The following ARHGAP29 variants were observed in gnomAD, a reference collection of about 807,000 sequenced individuals.
ARHGAP29 encodes rho GTPase-activating protein 29.
In ARHGAP29, 43 loss-of-function variants were observed where a neutral mutation model predicts 122.6. That is an observed-to-expected ratio of 0.35 (90% CI 0.27 to 0.45). The LOEUF is 0.45. Among genes scored for constraint, ARHGAP29 ranks in the 20% least tolerant of loss-of-function variants. ARHGAP29 has a pLI of 1.00. For synonymous variants in ARHGAP29, 506 were observed against 497.1 expected, an observed-to-expected ratio of 1.02 and a Z score of -0.24; for missense variants, 1,303 against 1,477.2, an observed-to-expected ratio of 0.88 and a Z score of 1.93.
At chr1:94,229,430 AT>A (rs1220850754) in intron 2 of ARHGAP29, among the ~76,000 whole-genome samples, 1 of 151,756 alleles carries the variant, frequency 6.6e-6, no homozygotes, top group African/African-American at 2.4e-5. Context: ...AATGAGGTCC[AT>A]TTATGTTTAT....
intron 1 of ARHGAP29, among the ~76,000 whole-genome samples, chr1:94,233,563 A>G (rs1653063358): frequency 6.6e-6 from 1 of 152,170 alleles, no homozygotes. Flanking sequence ...CTTCCAAAGT[A>G]TAAGTGAGAA....
intron 2 of ARHGAP29, among the ~76,000 whole-genome samples, chr1:94,225,685 A>G (rs1652575137): frequency 6.6e-6 from 1 of 152,096 alleles, no homozygotes; most frequent in Non-Finnish European, 1.5e-5. Flanking sequence ...CTCAAGTTAT[A>G]GTACTTAATT....
At chr1:94,309,030 C>T in the ARHGAP29 span, among the ~76,000 whole-genome samples, 3 of 152,348 alleles carry the variant, frequency 2.0e-5, no homozygotes, top group South Asian at 6.2e-4. Context: ...CTCCTCTGTC[C>T]TGCTCCCTGG....
chr1:94,218,243 T>C (rs1652076209), intron 3 of ARHGAP29, among the ~76,000 whole-genome samples: 1 of 152,198 alleles, frequency 6.6e-6, no homozygotes, highest in Non-Finnish European at 1.5e-5. Flanking sequence ...ATATTTAAAG[T>C]GTTCTAGTCT....
At chr1:94,298,056 CTTATTT>C in the ARHGAP29 span, among the ~76,000 whole-genome samples, 2 of 152,150 alleles carry the variant, frequency 1.3e-5, no homozygotes, top group Non-Finnish European at 2.9e-5. Flanking sequence ...ATTTTGCTTG[CTTATTT>C]TTAGAGTTAA....
At chr1:94,272,427 G>T (rs1655027218) in intron 1 of ARHGAP29, among the ~76,000 whole-genome samples, 1 of 152,206 alleles carries the variant, frequency 6.6e-6, no homozygotes, top group Non-Finnish European at 1.5e-5. Context: ...CCATGAAAGT[G>T]TGTTGCTCAG....
chr1:94,222,739 T>C (rs958580987), intron 2 of ARHGAP29, among the ~76,000 whole-genome samples: 2 of 152,218 alleles, frequency 1.3e-5, no homozygotes, highest in Non-Finnish European at 2.9e-5. Flanking sequence ...ATTTTATTAC[T>C]GGTTATCAAA....
intron 22 of ARHGAP29, among the ~76,000 whole-genome samples, chr1:94,175,461 AC>A (rs1440412556): frequency 6.6e-6 from 1 of 152,028 alleles, no homozygotes; most frequent in Non-Finnish European, 1.5e-5. Context: ...TTTTCTGTTC[AC>A]TGCTGAAACA....
In ARHGAP29 at chr1:94,211,287, C is replaced by CGAA. The variant is rs1371295014; in HGVS notation, c.341-1938_341-1937insTTC. ...GGGCGACAGAGCAAGGCTCTGGCTCCAAAAAAAAAAAAAAAAAAAAAAAAA... is the reference window on the plus strand; with the variant it reads ...GGGCGACAGAGCAAGGCTCTGGCTCCGAAAAAAAAAAAAAAAAAAAAAAAAAAA... On this transcript the variant is annotated intron_variant, in intron 3 of 22. Coordinates refer to ENST00000260526, the MANE Select transcript of ARHGAP29 (RefSeq NM_004815.4). Among the ~76,000 whole-genome samples the CGAA allele has an allele frequency of 8.3e-5, 3 of 36,004 alleles. 1 individual carries two copies. Among genetic ancestry groups the CGAA allele is most frequent in the Non-Finnish European group, 1.4e-4 (3 of 21,200 alleles). The allele number at this position is 36,004 out of a possible 152,430, so 23.6% of individuals were successfully genotyped here. A position where few individuals can be genotyped will look rare whatever the true frequency, so the allele number is the denominator to read the frequency against.
intron 1 of ARHGAP29, among the ~76,000 whole-genome samples, chr1:94,268,018 C>T (rs1654839499): frequency 6.6e-6 from 1 of 152,052 alleles, no homozygotes; most frequent in African/African-American, 2.4e-5. Flanking sequence ...CTGTAGCTCT[C>T]TTCATTATTT....
chr1:94,237,347 G>A (rs1333320382), intron 1 of ARHGAP29, 68 bp downstream of exon 1: 33 of 967,496 alleles, frequency 3.4e-5, no homozygotes, highest in African/African-American at 5.3e-5. Context: ...GCGGGCGCTC[G>A]CGCGGGCAAC....
At chr1:94,208,269 AAT>A (rs1651346315) in intron 5 of ARHGAP29, among the ~76,000 whole-genome samples, 1 of 152,052 alleles carries the variant, frequency 6.6e-6, no homozygotes, top group Non-Finnish European at 1.5e-5. Context: ...CCTGGTCCCA[AAT>A]ATCTGTTGAA....
chr1:94,286,022 T>C, the ARHGAP29 span, among the ~76,000 whole-genome samples: 1 of 152,176 alleles, frequency 6.6e-6, no homozygotes, highest in African/African-American at 2.4e-5. Flanking sequence ...TTAGTCAGCG[T>C]GGGCTTCCCT....
intron 1 of ARHGAP29, among the ~76,000 whole-genome samples, chr1:94,257,576 G>C (rs894545283): frequency 6.6e-6 from 1 of 152,072 alleles, no homozygotes; most frequent in African/African-American, 2.4e-5. Context: ...TGAGCATAGT[G>C]GCACATGCCT....
intron 2 of ARHGAP29, among the ~76,000 whole-genome samples, chr1:94,223,989 A>G (rs1652475586): frequency 6.6e-6 from 1 of 151,958 alleles, no homozygotes. Context: ...TTTTGTATTT[A>G]GTAGAGACGA....
intron 12 of ARHGAP29, chr1:94,193,267 G>C (rs1283574391): frequency 1.3e-5 from 2 of 151,538 alleles, no homozygotes; most frequent in Non-Finnish European, 2.9e-5. Context: ...AGAGGAAAAA[G>C]CTTTGGGGAA....
At position 94,173,919 on chromosome 1, in the gene ARHGAP29, G is replaced by C. The variant is rs762753584; in HGVS notation, c.3736C>G (p.Arg1246Gly). Residue 1246 changes from arginine to glycine, a missense_variant, in exon 23 of 23, where the codon CGA (arginine) becomes GGA (glycine). Transcript: ENST00000260526. Reference protein sequence around the residue: ...NPMCQRPRLKRMQQFEDLEGE... With the variant: ...NPMCQRPRLKGMQQFEDLEGE... ...TCGAGGTCTTCAAACTGTTGCATTC[G>C]TTTTAGCCTTGGTCTCTGACACATT... The C allele has an allele frequency of 6.2e-7, 1 of 1,613,336 alleles. No homozygotes were observed. The highest frequency in any genetic ancestry group is 8.5e-7 in the Non-Finnish European group (1 of 1,179,430).
At chr1:94,263,676 G>A (rs1458518171) in intron 1 of ARHGAP29, among the ~76,000 whole-genome samples, 1 of 152,104 alleles carries the variant, frequency 6.6e-6, no homozygotes, top group Non-Finnish European at 1.5e-5. Flanking sequence ...CACTATCCGT[G>A]ATAGTGACTA....
At chr1:94,223,337 C>A (rs1229743920) in intron 2 of ARHGAP29, among the ~76,000 whole-genome samples, 1 of 152,054 alleles carries the variant, frequency 6.6e-6, no homozygotes, top group Non-Finnish European at 1.5e-5. Flanking sequence ...GTCTCTGAAA[C>A]CAGACTGCCT....
Sources: allele counts gnomAD v4.1 joint callset (sites outside exome capture counted in the v4.1 genomes callset), GRCh38; gene constraint gnomAD v4.1.1; transcripts MANE v1.5; gene names NCBI Gene and HGNC (gene_info 2026-07-23, HGNC 2026-07-21).